Variants in THRB observed in about 807,000 individuals in gnomAD.
The protein encoded by THRB is thyroid hormone receptor beta.
In THRB, 12 loss-of-function variants were observed where a neutral mutation model predicts 47.8. That is an observed-to-expected ratio of 0.25 (90% CI 0.16 to 0.41). THRB has a LOEUF of 0.41. THRB is among the 10% of genes least tolerant of loss of function. THRB has a pLI of 1.00. For missense variants in THRB, 348 were observed against 589.2 expected, an observed-to-expected ratio of 0.59 and a Z score of 4.24; for synonymous variants, 218 against 212.2, an observed-to-expected ratio of 1.03 and a Z score of -0.24.
chr3:24,443,430 GCAGAACA>G (rs1167141172), intron 1 of THRB, among the ~76,000 whole-genome samples: 9 of 152,070 alleles, frequency 5.9e-5, no homozygotes, highest in African/African-American at 2.2e-4. Flanking sequence ...TTCCATAGGT[GCAGAACA>G]CAGAAAATGA....
At chr3:24,299,406 G>A (rs2056738366) in intron 2 of THRB, among the ~76,000 whole-genome samples, 1 of 152,062 alleles carries the variant, frequency 6.6e-6, no homozygotes, top group Non-Finnish European at 1.5e-5. Context: ...CTCCAGCCTT[G>A]CCTGGGGGAA....
At chr3:24,380,661 C>A (rs9851523) in intron 1 of THRB, among the ~76,000 whole-genome samples, 81,086 of 152,004 alleles carry the variant, frequency 0.53, 22,513 homozygotes, top group African/African-American at 0.69. Flanking sequence ...GAATAAGAAC[C>A]ACTTATACCT....
chr3:24,385,824 G>T (rs547359279), intron 1 of THRB, among the ~76,000 whole-genome samples: 37 of 152,146 alleles, frequency 2.4e-4, no homozygotes, highest in African/African-American at 8.4e-4. Context: ...AAATCATCAC[G>T]CATGAATCCT....
chr3:24,195,710 C>A (rs544476509), intron 4 of THRB, among the ~76,000 whole-genome samples: 1 of 152,318 alleles, frequency 6.6e-6, no homozygotes, highest in South Asian at 2.1e-4. Context: ...GGCTCTGCCC[C>A]CTTCTCTCTA....
At chr3:24,165,082 A>G in intron 5 of THRB, 1 of 764,682 alleles carries the variant, frequency 1.3e-6, no homozygotes, top group South Asian at 1.3e-5. Flanking sequence ...GCTTTTCTTC[A>G]GTGAAATATT....
At position 24,121,612 on chromosome 3, in the gene THRB, C is replaced by G. The variant is rs1463886903; in HGVS notation, c.*1272G>C. The G allele has an allele frequency of 2.0e-5, 3 of 152,404 alleles. No homozygotes were observed. The highest frequency in any genetic ancestry group is 7.2e-5 in the African/African-American group (3 of 41,440). 9.4% of individuals were successfully genotyped at this position (152,404 alleles called of 1,614,324 possible). On this transcript the variant is annotated 3_prime_UTR_variant, in exon 11 of 11. Transcript: ENST00000646209. Reference sequence around the variant, plus strand: ...CAGGAAAGTTAAGTGTGCACATGGTCTGCAGGTGTTTTCTATTGAGTATCT... The same window carrying G: ...CAGGAAAGTTAAGTGTGCACATGGTGTGCAGGTGTTTTCTATTGAGTATCT...
chr3:24,481,270 A>G (rs1401065440), intron 1 of THRB, among the ~76,000 whole-genome samples: 1 of 134,290 alleles, frequency 7.4e-6, no homozygotes, highest in African/African-American at 3.2e-5. Flanking sequence ...GGAAAAAGAA[A>G]ACAGCAGAGC....
At chr3:24,436,361 C>G (rs937294836) in intron 1 of THRB, among the ~76,000 whole-genome samples, 8 of 152,102 alleles carry the variant, frequency 5.3e-5, no homozygotes, top group Non-Finnish European at 1.2e-4. Context: ...AAAAGGATGA[C>G]CCAGTTTACA....
At chr3:24,432,464 C>T (rs953840774) in intron 1 of THRB, among the ~76,000 whole-genome samples, 3 of 152,102 alleles carry the variant, frequency 2.0e-5, no homozygotes, top group African/African-American at 7.2e-5. Context: ...AGAGGGGAAC[C>T]TCTCACCATA....
At chr3:24,179,798 T>A (rs2041657806) in intron 5 of THRB, among the ~76,000 whole-genome samples, 1 of 152,190 alleles carries the variant, frequency 6.6e-6, no homozygotes, top group African/African-American at 2.4e-5. Context: ...TTAGTAGTGA[T>A]CACCAGGCTT....
At chr3:24,319,605 T>G (rs1857793) in intron 2 of THRB, among the ~76,000 whole-genome samples, 68,087 of 152,062 alleles carry the variant, frequency 0.45, 16,456 homozygotes, top group East Asian at 0.65. Flanking sequence ...CAAACTTCAG[T>G]GTTGCTGGAA....
chr3:24,296,406 T>C (rs907631060), intron 3 of THRB, among the ~76,000 whole-genome samples: 3 of 152,240 alleles, frequency 2.0e-5, no homozygotes, highest in Non-Finnish European at 4.4e-5. Context: ...CTAATAAATA[T>C]GGCCACATTG....
chr3:24,389,298 C>T (rs954741474), intron 1 of THRB, among the ~76,000 whole-genome samples: 5 of 152,116 alleles, frequency 3.3e-5, no homozygotes, highest in Admixed American at 1.3e-4. Flanking sequence ...GCTGTGCTGC[C>T]GGTGTGTAGG....
intron 4 of THRB, among the ~76,000 whole-genome samples, chr3:24,192,299 G>T (rs1424282669): frequency 3.3e-5 from 5 of 152,076 alleles, no homozygotes; most frequent in Non-Finnish European, 7.4e-5. Flanking sequence ...AAGTTACTGG[G>T]GGCAGGGGTT....
At chr3:24,477,554 G>A (rs993071574) in intron 1 of THRB, among the ~76,000 whole-genome samples, 1 of 152,006 alleles carries the variant, frequency 6.6e-6, no homozygotes, top group Non-Finnish European at 1.5e-5. Flanking sequence ...TGGTCTGGGG[G>A]CACCACACTC....
intron 3 of THRB, among the ~76,000 whole-genome samples, chr3:24,251,907 TTAAA>T (rs1553672162): frequency 6.6e-6 from 1 of 152,056 alleles, no homozygotes; most frequent in East Asian, 1.9e-4. Flanking sequence ...ACAAAAAATC[TTAAA>T]TAAAATATCA....
intron 1 of THRB, among the ~76,000 whole-genome samples, chr3:24,375,998 T>C (rs2065259916): frequency 6.6e-6 from 1 of 152,158 alleles, no homozygotes; most frequent in Admixed American, 6.6e-5. Context: ...AGTTATCAGC[T>C]CCTATAACTC....
chr3:24,251,347 G>T lies in THRB; in HGVS notation c.-42-22346C>A, dbSNP rs1291484646. On this transcript the variant is annotated intron_variant, in intron 3 of 10. Transcript: ENST00000646209. Reference sequence around the variant, plus strand: ...ATTAATAAAAGTCAGAAAGCTTATAGGACTAGAAAACATTTTAACAGGTCT... The same window carrying T: ...ATTAATAAAAGTCAGAAAGCTTATATGACTAGAAAACATTTTAACAGGTCT... Among the ~76,000 whole-genome samples, 5 of 152,128 alleles carry T rather than the reference G, an allele frequency of 3.3e-5. No individual in the cohort carries two copies. In the East Asian group the frequency reaches 9.6e-4, roughly 29 times the overall value.
intron 1 of THRB, among the ~76,000 whole-genome samples, chr3:24,476,642 A>C (rs909047730): frequency 6.6e-6 from 1 of 152,148 alleles, no homozygotes; most frequent in Non-Finnish European, 1.5e-5. Context: ...TTTCTTTTGG[A>C]TTCAAAGGTA....
Sources: allele counts gnomAD v4.1 joint callset (sites outside exome capture counted in the v4.1 genomes callset), GRCh38; gene constraint gnomAD v4.1.1; transcripts MANE v1.5; gene names NCBI Gene and HGNC (gene_info 2026-07-23, HGNC 2026-07-21).